The following SLC2A13 variants were observed in gnomAD, a reference collection of about 807,000 sequenced individuals.
SLC2A13 encodes the protein proton myo-inositol cotransporter.
SLC2A13 carries 32 observed loss-of-function variants against 64.4 expected under a neutral mutation model. The observed-to-expected ratio is 0.50, with a 90% CI of 0.37 to 0.67. The LOEUF is 0.67. SLC2A13 is among the 30% of genes least tolerant of loss of function. The pLI, the probability that SLC2A13 is intolerant of heterozygous loss-of-function variation, is 0.00. For missense variants in SLC2A13, 743 were observed against 829.2 expected, an observed-to-expected ratio of 0.90 and a Z score of 1.28; for synonymous variants, 338 against 327.1, an observed-to-expected ratio of 1.03 and a Z score of -0.36.
chr12:39,870,395 C>T (rs982518044), intron 5 of SLC2A13, among the ~76,000 whole-genome samples: 5 of 152,248 alleles, frequency 3.3e-5, no homozygotes, highest in African/African-American at 2.4e-5. Flanking sequence ...TCTATCCTTT[C>T]GTTGAGAGTT....
chr12:39,826,434 A>G (rs949518995), intron 7 of SLC2A13, among the ~76,000 whole-genome samples: 3 of 150,176 alleles, frequency 2.0e-5, no homozygotes, highest in African/African-American at 7.3e-5. Flanking sequence ...AAACAGTTAT[A>G]TTTAGATGTA....
At chr12:39,962,213 C>T (rs1369129354) in intron 3 of SLC2A13, among the ~76,000 whole-genome samples, 1 of 152,160 alleles carries the variant, frequency 6.6e-6, no homozygotes, top group Non-Finnish European at 1.5e-5. Context: ...GCCTCAGCCT[C>T]CTGAGTAGCT....
chr12:39,974,432 G>A (rs1946726895), intron 3 of SLC2A13, among the ~76,000 whole-genome samples: 1 of 152,188 alleles, frequency 6.6e-6, no homozygotes, highest in South Asian at 2.1e-4. Flanking sequence ...TTATAAAACA[G>A]GATGATGACG....
At chr12:39,949,458 A>G (rs1043396001) in intron 4 of SLC2A13, 2 of 152,224 alleles carry the variant, frequency 1.3e-5, no homozygotes, top group Admixed American at 6.5e-5. Flanking sequence ...CAGGATCCTT[A>G]TATCACTTGA....
chr12:39,915,879 G>A lies in SLC2A13; in HGVS notation c.1034+35378C>T, dbSNP rs574702628. ...AGAGCTCAATGCCTGACATCATCACGACAAATCTCTGATTTACAGCATAAT... is the reference window on the plus strand; with the variant it reads ...AGAGCTCAATGCCTGACATCATCACAACAAATCTCTGATTTACAGCATAAT... On this transcript the variant is annotated intron_variant, in intron 4 of 9. Coordinates refer to ENST00000280871, the MANE Select transcript of SLC2A13 (RefSeq NM_052885.4). Among the ~76,000 whole-genome samples the A allele has an allele frequency of 4.6e-5, 7 of 151,864 alleles. No homozygotes were observed. The South Asian group carries it at 6.2e-4, about 14-fold the overall frequency.
At chr12:39,796,599 G>T (rs1174599086) in intron 7 of SLC2A13, among the ~76,000 whole-genome samples, 1 of 152,046 alleles carries the variant, frequency 6.6e-6, no homozygotes, top group Non-Finnish European at 1.5e-5. Context: ...GCAGAAGCTA[G>T]AAAGTATAAT....
intron 7 of SLC2A13, among the ~76,000 whole-genome samples, chr12:39,822,019 C>G (rs1942530284): frequency 6.6e-6 from 1 of 151,840 alleles, no homozygotes; most frequent in South Asian, 2.1e-4. Flanking sequence ...GCTGCACACA[C>G]TAACTCGTCA....
intron 6 of SLC2A13, among the ~76,000 whole-genome samples, chr12:39,849,001 A>G (rs183604558): frequency 6.6e-6 from 1 of 151,920 alleles, no homozygotes; most frequent in Non-Finnish European, 1.5e-5. Flanking sequence ...GAAGGAAACA[A>G]CAGACACTGG....
At chr12:40,101,463 T>C (rs1223801960) in intron 1 of SLC2A13, among the ~76,000 whole-genome samples, 2 of 152,108 alleles carry the variant, frequency 1.3e-5, no homozygotes, top group Non-Finnish European at 2.9e-5. Flanking sequence ...GCTTTACCCA[T>C]CCTGTAGTAG....
chr12:39,828,654 A>G (rs1469791801), intron 7 of SLC2A13, among the ~76,000 whole-genome samples: 4 of 151,866 alleles, frequency 2.6e-5, no homozygotes, highest in Non-Finnish European at 5.9e-5. Flanking sequence ...AACTATGTAC[A>G]TTTCTTTTTT....
chr12:39,777,715 C>G (rs925152783), intron 7 of SLC2A13, among the ~76,000 whole-genome samples: 1 of 152,172 alleles, frequency 6.6e-6, no homozygotes, highest in Non-Finnish European at 1.5e-5. Context: ...TCGAGAGGAA[C>G]GCACCAACAG....
chr12:39,946,995 T>G (rs569714361), intron 4 of SLC2A13, among the ~76,000 whole-genome samples: 1 of 152,170 alleles, frequency 6.6e-6, no homozygotes, highest in Non-Finnish European at 1.5e-5. Flanking sequence ...CAGGCAGGAA[T>G]GGGCTGCTTG....
At chr12:40,020,500 T>C (rs1436676942) in intron 3 of SLC2A13, among the ~76,000 whole-genome samples, 1 of 152,238 alleles carries the variant, frequency 6.6e-6, no homozygotes, top group Non-Finnish European at 1.5e-5. Context: ...TGCAGAATTG[T>C]GAGTCAATTA....
At position 40,022,662 on chromosome 12, in the gene SLC2A13, C is replaced by A. The variant is rs556323215; in HGVS notation, c.925+5639G>T. Among the ~76,000 whole-genome samples the A allele has an allele frequency of 1.8e-3, 276 of 152,206 alleles. 2 individuals carry two copies. Among genetic ancestry groups the A allele is most frequent in the African/African-American group, 6.4e-3 (264 of 41,518 alleles). On this transcript the variant is annotated intron_variant, in intron 3 of 9. Coordinates refer to ENST00000280871, the MANE Select transcript of SLC2A13 (RefSeq NM_052885.4). ...GGCCAGCCTGGCCAACGCGGTGAAACCCCGTCTCTACTAGACATACAAAAA... is the reference window on the plus strand; with the variant it reads ...GGCCAGCCTGGCCAACGCGGTGAAAACCCGTCTCTACTAGACATACAAAAA...
rs1216298368 is a variant in SLC2A13, at chr12:40,006,111, A to G, written c.925+22190T>C. Reference sequence around the variant, plus strand: ...CATATGAGTATAAATTAATAACCCCATACAGTCAGCTAATACTTAGGCAAA... The same window carrying G: ...CATATGAGTATAAATTAATAACCCCGTACAGTCAGCTAATACTTAGGCAAA... On this transcript the variant is annotated intron_variant, in intron 3 of 9. Coordinates refer to ENST00000280871, the MANE Select transcript of SLC2A13 (RefSeq NM_052885.4). Among the ~76,000 whole-genome samples, 4 of 152,248 alleles carry G rather than the reference A, an allele frequency of 2.6e-5. No homozygotes were observed. In the East Asian group the frequency reaches 7.7e-4, roughly 29 times the overall value.
intron 8 of SLC2A13, 58 bp downstream of exon 8, chr12:39,764,679 T>TTG: frequency 6.3e-7 from 1 of 1,590,628 alleles, no homozygotes; most frequent in Non-Finnish European, 8.5e-7. Flanking sequence ...TTATAGTTTA[T>TTG]CTACTCCAAA....
chr12:39,976,110 C>A (rs112368084), intron 3 of SLC2A13, among the ~76,000 whole-genome samples: 1 of 152,220 alleles, frequency 6.6e-6, no homozygotes, highest in African/African-American at 2.4e-5. Context: ...TGAAAACAGA[C>A]AGCCCACCCT....
At chr12:39,893,605 G>A (rs551763680) in intron 4 of SLC2A13, among the ~76,000 whole-genome samples, 3 of 152,196 alleles carry the variant, frequency 2.0e-5, no homozygotes, top group East Asian at 3.9e-4. Context: ...CAGGCCTACC[G>A]CTCTTTTCTA....
Position 39,905,259 on chromosome 12 carries a change from C to G in SLC2A13, c.1035-33298G>C, listed in dbSNP as rs142722942. On this transcript the variant is annotated intron_variant, in intron 4 of 9. Transcript: ENST00000280871. ...CTAGAAAATCTACCTAGAACACACC[C>G]TGCATTCATCATCTCTGTCTTGCTG... is the stretch of plus-strand genomic sequence containing the variant. Among the ~76,000 whole-genome samples, 5 of 152,196 alleles carry G rather than the reference C, an allele frequency of 3.3e-5. No individual in the cohort carries two copies. The East Asian group carries it at 9.7e-4, about 29-fold the overall frequency.
Sources: gnomAD v4.1 joint callset for allele counts (sites outside exome capture counted in the v4.1 genomes callset) on GRCh38, gnomAD v4.1.1 for gene constraint, MANE v1.5 for transcripts, NCBI Gene and HGNC (gene_info 2026-07-23, HGNC 2026-07-21) for gene names.